The following CACNA1H variants were observed in gnomAD, a reference collection of about 807,000 sequenced individuals.
CACNA1H encodes the protein voltage-dependent T-type calcium channel subunit alpha-1H.
In CACNA1H, 149 loss-of-function variants were observed where a neutral mutation model predicts 192.5. The ratio of observed to expected loss-of-function variants is 0.77; its 90% CI spans 0.68 to 0.89. CACNA1H has a LOEUF of 0.89. CACNA1H is among the 40% of genes least tolerant of loss of function. The pLI, the probability that CACNA1H is intolerant of heterozygous loss-of-function variation, is 0.00. For missense variants in CACNA1H, 4,257 were observed against 3,423.5 expected (o/e 1.24, Z -6.08); for synonymous variants, 2,202 against 1,475.2 (o/e 1.49, Z -11.29).
At chr16:1,172,959 G>C (rs916743356) in intron 2 of CACNA1H, among the ~76,000 whole-genome samples, 3 of 151,896 alleles carry the variant, frequency 2.0e-5, no homozygotes, top group Non-Finnish European at 4.4e-5. Context: ...GGGACACCAG[G>C]TCCCTGCAGG....
At chr16:1,177,793 G>T (rs1016671927) in intron 2 of CACNA1H, among the ~76,000 whole-genome samples, 14 of 151,954 alleles carry the variant, frequency 9.2e-5, no homozygotes, top group African/African-American at 3.1e-4. Context: ...GGGGTCTCTC[G>T]GGGTCCTTGT....
intron 4 of CACNA1H, 28 bp from the exon 5 acceptor site, chr16:1,195,898 A>T: frequency 1.9e-6 from 3 of 1,561,036 alleles, no homozygotes; most frequent in Non-Finnish European, 1.8e-6. Context: ...CTCCTTGTTG[A>T]GCTGCTCCCC....
At chr16:1,207,745 C>G (rs1323205323) in intron 14 of CACNA1H, 25 bp from the exon 15 acceptor site, 1 of 1,571,814 alleles carries the variant, frequency 6.4e-7, no homozygotes, top group Non-Finnish European at 8.6e-7. Flanking sequence ...CCCCTCATGC[C>G]TGCCTTGTGC....
chr16:1,211,468 C>T lies in CACNA1H; in HGVS notation c.4351-13C>T, dbSNP rs1428846125. ...AGGCCAGGCCCTCCGCGGTGACCGT[C>T]GCACCCCGTCAGCTCTTCAAAGGGA... On this transcript the variant is annotated splice_polypyrimidine_tract_variant and intron_variant, in intron 22 of 34. Coordinates refer to ENST00000348261, the MANE Select transcript of CACNA1H (RefSeq NM_021098.3). 1.8e-5 allele frequency: 29 copies of T among 1,612,236 alleles called. No homozygotes were observed. Among genetic ancestry groups the T allele is most frequent in the South Asian group, 7.7e-5 (7 of 91,080 alleles).
At chr16:1,189,809 C>T (rs1264723748) in intron 2 of CACNA1H, among the ~76,000 whole-genome samples, 1 of 152,092 alleles carries the variant, frequency 6.6e-6, no homozygotes, top group Non-Finnish European at 1.5e-5. Context: ...GCCCCACCAC[C>T]GAGGGGGTCT....
At chr16:1,182,284 G>C (rs1965556018) in intron 2 of CACNA1H, among the ~76,000 whole-genome samples, 1 of 152,162 alleles carries the variant, frequency 6.6e-6, no homozygotes, top group African/African-American at 2.4e-5. Context: ...GCCGCTCTCT[G>C]TGGGGCCAGA....
At chr16:1,201,368 G>C (rs1225571489) in intron 8 of CACNA1H, among the ~76,000 whole-genome samples, 1 of 152,156 alleles carries the variant, frequency 6.6e-6, no homozygotes, top group Non-Finnish European at 1.5e-5. Context: ...CCACCGTTGA[G>C]AGGGTCATCT....
intron 27 of CACNA1H, 102 bp downstream of exon 27, chr16:1,214,033 C>A: frequency 9.7e-7 from 1 of 1,031,120 alleles, no homozygotes; most frequent in Non-Finnish European, 1.4e-6. Flanking sequence ...GCTGAGCCCT[C>A]GCTGGGGTTT....
rs750342506 is a variant in CACNA1H at position 1,212,135 on chromosome 16, A to G, written c.4756A>G (p.Arg1586Gly). The G allele has an allele frequency of 3.1e-6, 5 of 1,604,410 alleles. No homozygotes were observed. The East Asian group carries it at 8.9e-5, about 29-fold the overall frequency. Residue 1586 changes from arginine (R) to glycine (G), a missense_variant, in exon 25 of 35, where the codon AGG becomes GGG. By Grantham distance (125) the Arg-to-Gly change is moderately radical. Transcript: ENST00000348261. The stretch of plus-strand genomic sequence containing the variant: ...GCTGCGGCGCCTAGAGAGGAGGCGC[A>G]GGAGTAAGGCGCTCCCGGTGGCGGT... The part of the protein sequence containing the change: ...KRLRRLERRR[R>G]STFPSPEAQR...
At chr16:1,199,629 C>T (rs34885706) in intron 6 of CACNA1H, among the ~76,000 whole-genome samples, 29,405 of 148,344 alleles carry the variant, frequency 0.2, 3,798 homozygotes, top group Non-Finnish European at 0.29. Context: ...CCTTGCTCTG[C>T]AGTCTCTCCT....
Position 1,210,358 on chromosome 16 carries a change from CCGCCCA to C in CACNA1H, c.3846-10_3846-5del. On this transcript the variant is annotated splice_polypyrimidine_tract_variant and splice_region_variant and intron_variant, in intron 18 of 34. Coordinates refer to ENST00000348261, the MANE Select transcript of CACNA1H (RefSeq NM_021098.3). ...GCCCCGCCCCACCTCTCACCCGCCC[CCGCCCA>C]CCCAGGTTCCGCGTCTCCTGCCAGA... is the stretch of plus-strand genomic sequence containing the variant. The C allele has an allele frequency of 6.9e-7, 1 of 1,456,184 alleles. No homozygotes were observed. 90.2% of individuals were successfully genotyped at this position (1,456,184 alleles called of 1,614,324 possible).
chr16:1,195,355 C>A, intron 3 of CACNA1H, 77 bp from the exon 4 acceptor site: 1 of 1,522,126 alleles, frequency 6.6e-7, no homozygotes, highest in East Asian at 2.5e-5. Flanking sequence ...GGGGGCCGGG[C>A]TCTTGCGGGG....
chr16:1,209,781 A>C (rs1653212789), intron 17 of CACNA1H, among the ~76,000 whole-genome samples: 1 of 152,150 alleles, frequency 6.6e-6, no homozygotes, highest in African/African-American at 2.4e-5. Context: ...CAGGGACCCA[A>C]GAGCACCCGC....
intron 2 of CACNA1H, chr16:1,157,011 A>G (rs1241411763): frequency 6.6e-6 from 1 of 152,216 alleles, no homozygotes; most frequent in Non-Finnish European, 1.5e-5. Context: ...AGGTTTATTT[A>G]TAGAGAAAGG....
intron 6 of CACNA1H, 48 bp downstream of exon 6, chr16:1,198,822 C>T (rs1053475143): frequency 2.6e-6 from 4 of 1,557,552 alleles, no homozygotes; most frequent in Non-Finnish European, 3.5e-6. Context: ...TGGCCCTGCC[C>T]ACCATGCAGA....
At position 1,219,115 on chromosome 16, in the gene CACNA1H, G is replaced by A. The variant is rs1485677068; in HGVS notation, c.6033G>A (p.Arg2011=). 5 of 1,542,734 alleles carry A rather than the reference G, an allele frequency of 3.2e-6. No individual in the cohort carries two copies. In the African/African-American group the frequency reaches 4.1e-5, roughly 13 times the overall value. ...RGTARSPSLS[R]LLCRQEAVHT... ...CAGCCCGCTCCCCCAGTCTCAGCCG[G>A]CTGCTCTGCAGACAGGTAGGAGAAG... Residue 2011 remains arginine (R), a synonymous_variant, in exon 34 of 35, where the codon CGG becomes CGA. Coordinates refer to ENST00000348261, the MANE Select transcript of CACNA1H (RefSeq NM_021098.3).
At position 1,153,551 on chromosome 16, in the gene CACNA1H, G is replaced by A. The variant is rs1961851855; in HGVS notation, c.-19+81G>A. On this transcript the variant is annotated intron_variant, in intron 1 of 34. Transcript: ENST00000348261. Reference sequence around the variant, plus strand: ...CCGGGGAGCCCCTCGGGGTGGGGGTGGGGCCGCTGGAGGGAGGGAGGGGGC... The same window carrying A: ...CCGGGGAGCCCCTCGGGGTGGGGGTAGGGCCGCTGGAGGGAGGGAGGGGGC... 1.8e-5 allele frequency: 6 copies of A among 335,028 alleles called. No homozygotes were observed. In the East Asian group the frequency reaches 3.1e-4, roughly 17 times the overall value. The allele number at this position is 335,028 out of a possible 1,614,324, so 20.8% of individuals were successfully genotyped here.
intron 2 of CACNA1H, chr16:1,160,139 A>T (rs920458337): frequency 6.6e-6 from 1 of 152,228 alleles, no homozygotes; most frequent in African/African-American, 2.4e-5. Context: ...ACCTTTGTTT[A>T]TGCAGATGTC....
intron 33 of CACNA1H, 68 bp from the exon 34 acceptor site, chr16:1,218,901 CG>C: frequency 1.2e-6 from 1 of 824,020 alleles, no homozygotes; most frequent in Non-Finnish European, 1.5e-6. Context: ...TGGGGGAGGA[CG>C]GGGGTGGGTG....
Sources: gnomAD v4.1 joint callset for allele counts (sites outside exome capture counted in the v4.1 genomes callset) on GRCh38, gnomAD v4.1.1 for gene constraint, MANE v1.5 for transcripts, NCBI Gene and HGNC (gene_info 2026-07-23, HGNC 2026-07-21) for gene names.